The following CDADC1 variants were observed in gnomAD, a reference collection of about 807,000 sequenced individuals.
CDADC1 encodes the protein dCTP deaminase.
A neutral mutation model predicts 54.9 loss-of-function variants in CDADC1; 39 were observed. That is an observed-to-expected ratio of 0.71 (90% CI 0.55 to 0.93). The LOEUF is 0.93. CDADC1 is among the 40% of genes least tolerant of loss of function. The pLI, the probability that CDADC1 is intolerant of heterozygous loss-of-function variation, is 0.00. For synonymous variants in CDADC1, 186 were observed against 204.0 expected (o/e 0.91, Z 0.75); for missense variants, 518 against 618.8 (o/e 0.84, Z 1.73).
intron 8 of CDADC1, among the ~76,000 whole-genome samples, chr13:49,281,318 C>G (rs888497789): frequency 2.0e-5 from 3 of 152,204 alleles, no homozygotes; most frequent in African/African-American, 7.2e-5. Flanking sequence ...TCTCTTCCCT[C>G]TCCTTTCTGG....
chr13:49,288,967 C>T (rs572485019), intron 9 of CDADC1, among the ~76,000 whole-genome samples: 80 of 152,194 alleles, frequency 5.3e-4, no homozygotes, highest in African/African-American at 1.9e-3. Flanking sequence ...GGACAAATGT[C>T]CATATAAGCT....
chr13:49,282,013 T>TC (rs1953354679), intron 8 of CDADC1, among the ~76,000 whole-genome samples: 1 of 149,534 alleles, frequency 6.7e-6, no homozygotes, highest in South Asian at 2.1e-4. Flanking sequence ...AGACGGGGTT[T>TC]CACCATGTTG....
At chr13:49,278,140 T>A (rs1953200994) in intron 6 of CDADC1, among the ~76,000 whole-genome samples, 1 of 152,352 alleles carries the variant, frequency 6.6e-6, no homozygotes, top group Non-Finnish European at 1.5e-5. Flanking sequence ...GATTATAGAT[T>A]AGAGAGGTGG....
chr13:49,281,934 C>A (rs1953351791), intron 8 of CDADC1, among the ~76,000 whole-genome samples: 1 of 133,274 alleles, frequency 7.5e-6, no homozygotes, highest in Non-Finnish European at 1.6e-5. Context: ...CCTCCCCCCA[C>A]CCCCCAGTAT....
chr13:49,280,567 G>A lies in CDADC1; in HGVS notation c.1279G>A (p.Asp427Asn). The A allele has an allele frequency of 6.6e-7, 1 of 1,525,762 alleles. No homozygotes were observed. The highest frequency in any genetic ancestry group is 2.4e-5 in the East Asian group (1 of 41,060). The allele number at this position is 1,525,762 out of a possible 1,614,324, so 94.5% of individuals were successfully genotyped here. ...GATTTTTGTGACAAAGTGCCCATGT[G>A]ATGAGTGTGTACCTTTAATTAAAGG... ...SMIFVTKCPC[D>N]ECVPLIKGAG... Residue 427 changes from aspartate to asparagine, a missense_variant, in exon 8 of 10, where the codon GAT (aspartate) becomes AAT (asparagine). By Grantham distance (23) the Asp-to-Asn change is conservative (BLOSUM62 1). Transcript: ENST00000251108.
rs755049864 is a variant in CDADC1, at chr13:49,280,528, GAAGA to G, written c.1246_1249del (p.Arg416AlafsTer2). On this transcript the variant is annotated frameshift_variant, in exon 8 of 10. Coordinates refer to ENST00000251108, the MANE Select transcript of CDADC1 (RefSeq NM_030911.4). LOFTEE classifies it high-confidence loss of function. ...TTGTAGGTGTCAAGAAATAAAACCA[GAAGA>G]AAGAAGCATGATTTTTGTGACAAAG... 2.1e-5 allele frequency: 30 copies of G among 1,438,826 alleles called. 1 individual carries two copies. In the South Asian group the frequency reaches 2.3e-4, roughly 11 times the overall value. The allele number at this position is 1,438,826 out of a possible 1,614,324, so 89.1% of individuals were successfully genotyped here. A position where few individuals can be genotyped will look rare whatever the true frequency, so the allele number is the denominator to read the frequency against.
chr13:49,285,754 T>C (rs186019528), intron 8 of CDADC1, among the ~76,000 whole-genome samples: 106 of 152,278 alleles, frequency 7.0e-4, no homozygotes, highest in Non-Finnish European at 1.3e-4. Flanking sequence ...GATCACTCAG[T>C]GTGGCGTTAT....
At chr13:49,277,590 A>G (rs1339326287) in intron 6 of CDADC1, among the ~76,000 whole-genome samples, 3 of 152,166 alleles carry the variant, frequency 2.0e-5, no homozygotes, top group Admixed American at 1.3e-4. Context: ...GTCTGTTGAT[A>G]TTATCATGAG....
intron 1 of CDADC1, among the ~76,000 whole-genome samples, 197 bp from the exon 2 acceptor site, chr13:49,248,674 A>G (rs1314284764): frequency 6.6e-6 from 1 of 152,164 alleles, no homozygotes; most frequent in East Asian, 1.9e-4. Context: ...CAACTTTTTA[A>G]GTGGAGAAGG....
At chr13:49,280,748 G>A (rs1953298744) in intron 8 of CDADC1, 50 bp downstream of exon 8, 2 of 1,049,710 alleles carry the variant, frequency 1.9e-6, no homozygotes, top group South Asian at 2.8e-5. Context: ...ATGTTGTTAG[G>A]TACCCTGCTG....
chr13:49,264,334 C>T (rs1419286438), intron 4 of CDADC1, among the ~76,000 whole-genome samples: 1 of 151,976 alleles, frequency 6.6e-6, no homozygotes, highest in African/African-American at 2.4e-5. Flanking sequence ...ATTTCCATGC[C>T]CTGATTTCTC....
intron 3 of CDADC1, among the ~76,000 whole-genome samples, chr13:49,258,880 G>A (rs950213340): frequency 2.0e-5 from 3 of 152,174 alleles, no homozygotes; most frequent in Non-Finnish European, 4.4e-5. Flanking sequence ...GATGACCTCT[G>A]CTTTAGTTCT....
At chr13:49,261,832 C>T (rs1379007319) in intron 4 of CDADC1, among the ~76,000 whole-genome samples, 1 of 152,062 alleles carries the variant, frequency 6.6e-6, no homozygotes, top group Non-Finnish European at 1.5e-5. Flanking sequence ...CTCATCACTG[C>T]TTGATGTCTT....
chr13:49,291,654 G>A (rs764913895), intron 9 of CDADC1, 30 bp from the exon 10 acceptor site: 2 of 1,608,628 alleles, frequency 1.2e-6, no homozygotes, highest in East Asian at 4.5e-5. Context: ...AAATGAAGCT[G>A]TCCTGACCTA....
In CDADC1 at chr13:49,292,077, C is replaced by T. The variant is rs1287343712; in HGVS notation, c.*320C>T. 9.2e-7 allele frequency: 1 copy of T among 1,090,804 alleles called. No individual in the cohort carries two copies. Among genetic ancestry groups the T allele is most frequent in the East Asian group, 7.0e-5 (1 of 14,196 alleles). The allele number at this position is 1,090,804 out of a possible 1,614,324, so 67.6% of individuals were successfully genotyped here. ...ATATTAGCCAATTTGAAAGGGTCTG[C>T]TTCACAAGAGGTCATGCCTCTGCAG... is the stretch of plus-strand genomic sequence containing the variant. On this transcript the variant is annotated 3_prime_UTR_variant, in exon 10 of 10. Transcript: ENST00000251108.
intron 2 of CDADC1, among the ~76,000 whole-genome samples, chr13:49,251,135 T>A (rs1952420119): frequency 6.6e-6 from 1 of 152,066 alleles, no homozygotes; most frequent in Non-Finnish European, 1.5e-5. Context: ...TTAGGCCGGG[T>A]GCAGTGGCTC....
rs1953473379 is a variant in CDADC1 at position 49,285,186 on chromosome 13, T to C, written c.1411-1036T>C. ...TTTCTTTTTTTTTTCTTTTTTCTTTTTTTTTTTTGTGAGACAGAGTCTTGC... is the reference window on the plus strand; with the variant it reads ...TTTCTTTTTTTTTTCTTTTTTCTTTCTTTTTTTTGTGAGACAGAGTCTTGC... On this transcript the variant is annotated intron_variant, in intron 8 of 9. Coordinates refer to ENST00000251108, the MANE Select transcript of CDADC1 (RefSeq NM_030911.4). Among the ~76,000 whole-genome samples, 3 of 150,624 alleles carry C rather than the reference T, an allele frequency of 2.0e-5. No individual in the cohort carries two copies. In the South Asian group the frequency reaches 6.3e-4, roughly 32 times the overall value.
Position 49,259,244 on chromosome 13 carries a change from A to G in CDADC1, c.253-102A>G, listed in dbSNP as rs1031463863. The G allele has an allele frequency of 6.4e-5, 54 of 838,414 alleles. No individual in the cohort carries two copies. In the South Asian group the frequency reaches 8.3e-4, roughly 13 times the overall value. 51.9% of individuals were successfully genotyped at this position (838,414 alleles called of 1,614,324 possible). Reference sequence around the variant, plus strand: ...TTGTACAAACTCTGTTTAGATAAAGAATTAAACAAAACTTCCATTTTTATT... The same window carrying G: ...TTGTACAAACTCTGTTTAGATAAAGGATTAAACAAAACTTCCATTTTTATT... On this transcript the variant is annotated intron_variant, in intron 3 of 9. Transcript: ENST00000251108.
chr13:49,256,004 A>T, intron 3 of CDADC1, 91 bp downstream of exon 3: 1 of 1,495,394 alleles, frequency 6.7e-7, no homozygotes, highest in Non-Finnish European at 8.9e-7. Context: ...CATTTCTACT[A>T]TCAAGGGAGT....
Sources: allele counts gnomAD v4.1 joint callset (sites outside exome capture counted in the v4.1 genomes callset), GRCh38; gene constraint gnomAD v4.1.1; transcripts MANE v1.5; gene names NCBI Gene and HGNC (gene_info 2026-07-23, HGNC 2026-07-21).